The following NICN1 variants were observed in gnomAD, a reference collection of about 807,000 sequenced individuals.
NICN1 encodes the protein nicolin 1, tubulin polyglutamylase complex subunit.
NICN1 carries 18 observed loss-of-function variants against 26.3 expected under a neutral mutation model. The ratio of observed to expected loss-of-function variants is 0.68; its 90% CI spans 0.47 to 1.01. NICN1 has a LOEUF of 1.01. Among genes scored for constraint, NICN1 ranks in the 50% least tolerant of loss-of-function variants. The pLI is 0.00. For synonymous variants in NICN1, 109 were observed against 111.0 expected, an observed-to-expected ratio of 0.98 and a Z score of 0.11; for missense variants, 239 against 278.3, an observed-to-expected ratio of 0.86 and a Z score of 1.00.
chr3:49,426,525 T>A, intron 1 of NICN1, 97 bp from the exon 2 acceptor site: 23 of 829,102 alleles, frequency 2.8e-5, no homozygotes, highest in Non-Finnish European at 3.8e-5. Context: ...TCTCCCCACC[T>A]TTTCTTTTTT....
rs752154466 is a variant in NICN1, at chr3:49,429,244, A to C, written c.-5T>G. On this transcript the variant is annotated 5_prime_UTR_variant, in exon 1 of 6. Transcript: ENST00000273598. ...AGGCACCAAAACGCGGGACATGGTG[A>C]CAGCAGCCGCAACTAAGTGCAACCG... 34 of 1,595,250 alleles carry C rather than the reference A, an allele frequency of 2.1e-5. 1 individual carries two copies. Among genetic ancestry groups the C allele is most frequent in the Non-Finnish European group, 2.6e-5 (30 of 1,170,364 alleles).
At position 49,429,274 on chromosome 3, in the gene NICN1, T is replaced by A; in HGVS notation, c.-35A>T. The A allele has an allele frequency of 1.9e-6, 3 of 1,562,144 alleles. 1 individual carries two copies. In the South Asian group the frequency reaches 3.5e-5, roughly 18 times the overall value. Reference sequence around the variant, plus strand: ...AGCCGCAACTAAGTGCAACCGCCGCTCTAGGCCCCCGACCACCAGCCCTTC... The same window carrying A: ...AGCCGCAACTAAGTGCAACCGCCGCACTAGGCCCCCGACCACCAGCCCTTC... On this transcript the variant is annotated 5_prime_UTR_variant, in exon 1 of 6. Coordinates refer to ENST00000273598, the MANE Select transcript of NICN1 (RefSeq NM_032316.3).
Position 49,424,616 on chromosome 3 carries a change from G to A in NICN1, c.*217C>T, listed in dbSNP as rs1181624857. On this transcript the variant is annotated 3_prime_UTR_variant, in exon 6 of 6. Transcript: ENST00000273598. ...GTTTTTGGGTAGAAGGAAGAATTGA[G>A]TTGCAGCCAGGCGAAGACAGAGCAC... 2 of 607,802 alleles carry A rather than the reference G, an allele frequency of 3.3e-6. No individual in the cohort carries two copies. Among genetic ancestry groups the A allele is most frequent in the African/African-American group, 1.9e-5 (1 of 54,006 alleles). The allele number at this position is 607,802 out of a possible 1,614,324, so 37.7% of individuals were successfully genotyped here. A position where few individuals can be genotyped will look rare whatever the true frequency, so the allele number is the denominator to read the frequency against.
chr3:49,425,511 G>T, intron 3 of NICN1, 73 bp from the exon 4 acceptor site: 1 of 1,311,268 alleles, frequency 7.6e-7, no homozygotes, highest in South Asian at 1.4e-5. Context: ...AAGGTCCTAG[G>T]AGCAGAGAGA....
At position 49,426,377 on chromosome 3, in the gene NICN1, C is replaced by T. The variant is rs1334281149; in HGVS notation, c.184G>A (p.Val62Ile). 1.9e-6 allele frequency: 3 copies of T among 1,614,182 alleles called. No individual in the cohort carries two copies. The South Asian group carries it at 3.3e-5, about 18-fold the overall frequency. ...GTGTGTGCTGAGGTGTACTGACGGA[C>T]ACGGATGCTCAAAAAAGCTGTGTAG... ...NYYTAFLSIR[V>I]RQYTSAHTPA... The change falls in exon 2 of 6, where the codon GTC becomes ATC. Residue 62 changes from valine to isoleucine, a missense_variant. Coordinates refer to ENST00000273598, the MANE Select transcript of NICN1 (RefSeq NM_032316.3).
Position 49,429,170 on chromosome 3 carries a change from A to AGGTCC in NICN1, c.65_69dup (p.Ser24GlyfsTer37). On this transcript the variant is annotated frameshift_variant, in exon 1 of 6. Coordinates refer to ENST00000273598, the MANE Select transcript of NICN1 (RefSeq NM_032316.3). LOFTEE classifies it high-confidence loss of function. The stretch of plus-strand genomic sequence containing the variant: ...ACCAGCACGCCAGGCCGGCCTTGGG[A>AGGTCC]GGTCCGCACGTCGCCCACCTGGAGG... The AGGTCC allele has an allele frequency of 6.2e-7, 1 of 1,611,300 alleles. No individual in the cohort carries two copies. Among genetic ancestry groups the AGGTCC allele is most frequent in the Non-Finnish European group, 8.5e-7 (1 of 1,178,896 alleles).
rs58773326 is a variant in NICN1, at chr3:49,427,644, GAAAAAAAAAA to G, written c.133-1226_133-1217del. ...GGTGACAAAACGAGGCTACCTCTCA[GAAAAAAAAAA>G]AAAAAAAAAGAAATGTAGATAATGT... is the stretch of plus-strand genomic sequence containing the variant. On this transcript the variant is annotated intron_variant, in intron 1 of 5. Coordinates refer to ENST00000273598, the MANE Select transcript of NICN1 (RefSeq NM_032316.3). Among the ~76,000 whole-genome samples, 7 of 102,804 alleles carry G rather than the reference GAAAAAAAAAA, an allele frequency of 6.8e-5. No homozygotes were observed. In the East Asian group the frequency reaches 1.9e-3, roughly 27 times the overall value. The allele number at this position is 102,804 out of a possible 152,430, so 67.4% of individuals were successfully genotyped here. A position where few individuals can be genotyped will look rare whatever the true frequency, so the allele number is the denominator to read the frequency against.
Position 49,423,523 on chromosome 3 carries a change from A to C in NICN1, c.*1310T>G. The C allele has an allele frequency of 6.6e-6, 1 of 152,512 alleles. No homozygotes were observed. Among genetic ancestry groups the C allele is most frequent in the Non-Finnish European group, 1.5e-5 (1 of 68,212 alleles). The allele number at this position is 152,512 out of a possible 1,614,324, so 9.4% of individuals were successfully genotyped here. A position where few individuals can be genotyped will look rare whatever the true frequency, so the allele number is the denominator to read the frequency against. On this transcript the variant is annotated 3_prime_UTR_variant, in exon 6 of 6. Coordinates refer to ENST00000273598, the MANE Select transcript of NICN1 (RefSeq NM_032316.3). ...TGTAATCCCAGCACTTTGGAAGGCC[A>C]AGGCAGGCAGATCACCTGAGGTCAG...
In NICN1 at chr3:49,425,399, C is replaced by T. The variant is rs2049162219; in HGVS notation, c.463G>A (p.Val155Met). Residue 155 changes from valine (V) to methionine (M), a missense_variant, in exon 4 of 6, where the codon GTG (valine) becomes ATG (methionine). Coordinates refer to ENST00000273598, the MANE Select transcript of NICN1 (RefSeq NM_032316.3). ...AGGAGTGCAGGTTGCTCACAGGGCACTGGGTGGGAGAGCCACTTGGGAAAG... is the reference window on the plus strand; with the variant it reads ...AGGAGTGCAGGTTGCTCACAGGGCATTGGGTGGGAGAGCCACTTGGGAAAG... ...VTFPKWLSHP[V>M]PCEQPALLRE... 1.9e-6 allele frequency: 3 copies of T among 1,613,338 alleles called. No individual in the cohort carries two copies. In the East Asian group the frequency reaches 6.7e-5, roughly 36 times the overall value.
At chr3:49,426,085 C>G (rs146897295) in intron 2 of NICN1, 89 bp from the exon 3 acceptor site, 11 of 1,134,998 alleles carry the variant, frequency 9.7e-6, no homozygotes, top group Non-Finnish European at 1.4e-5. Flanking sequence ...CTGCCCACCC[C>G]ACAGGCCTTG....
At chr3:49,427,556 T>C (rs1421961790) in intron 1 of NICN1, among the ~76,000 whole-genome samples, 1 of 148,480 alleles carries the variant, frequency 6.7e-6, no homozygotes, top group Non-Finnish European at 1.5e-5. Flanking sequence ...GGCAGGAGAA[T>C]TGCTTGAACC....
At chr3:49,426,504 C>T in intron 1 of NICN1, 76 bp from the exon 2 acceptor site, 1 of 1,082,868 alleles carries the variant, frequency 9.2e-7, no homozygotes, top group Non-Finnish European at 1.4e-6. Flanking sequence ...TCAAAGGTGC[C>T]ACCTCTTCCT....
chr3:49,422,690 A>G lies in NICN1; in HGVS notation c.*2143T>C. On this transcript the variant is annotated 3_prime_UTR_variant, in exon 6 of 6. Coordinates refer to ENST00000273598, the MANE Select transcript of NICN1 (RefSeq NM_032316.3). ...CTTCAGGGCAGCTCGGGCAATCCAG[A>G]GCTGATTGGGCTGCCCAGAACAAAG... 1.5e-6 allele frequency: 1 copy of G among 664,938 alleles called. No individual in the cohort carries two copies. The highest frequency in any genetic ancestry group is 2.8e-6 in the Non-Finnish European group (1 of 363,610). 41.2% of individuals were successfully genotyped at this position (664,938 alleles called of 1,614,324 possible). A position where few individuals can be genotyped will look rare whatever the true frequency, so the allele number is the denominator to read the frequency against.
intron 1 of NICN1, among the ~76,000 whole-genome samples, chr3:49,427,197 T>C (rs943516908): frequency 5.9e-5 from 9 of 151,914 alleles, no homozygotes; most frequent in Non-Finnish European, 1.2e-4. Flanking sequence ...GGCGGGCACC[T>C]GTAGTCCCAG....
chr3:49,425,188 GT>G, intron 4 of NICN1, 135 bp from the exon 5 acceptor site: 1 of 832,332 alleles, frequency 1.2e-6, no homozygotes, highest in Non-Finnish European at 2.0e-6. Context: ...GAAACATGAG[GT>G]TAGGGCCTGA....
At position 49,422,689 on chromosome 3, in the gene NICN1, G is replaced by A. The variant is rs1028631130; in HGVS notation, c.*2144C>T. The A allele has an allele frequency of 1.5e-6, 1 of 665,364 alleles. No individual in the cohort carries two copies. The highest frequency in any genetic ancestry group is 2.1e-5 in the Admixed American group (1 of 48,134). 41.2% of individuals were successfully genotyped at this position (665,364 alleles called of 1,614,324 possible). On this transcript the variant is annotated 3_prime_UTR_variant, in exon 6 of 6. Coordinates refer to ENST00000273598, the MANE Select transcript of NICN1 (RefSeq NM_032316.3). ...TCTTCAGGGCAGCTCGGGCAATCCA[G>A]AGCTGATTGGGCTGCCCAGAACAAA...
rs764032357 is a variant in NICN1 at position 49,422,438 on chromosome 3, C to A, written c.*2395G>T. On this transcript the variant is annotated 3_prime_UTR_variant, in exon 6 of 6. Transcript: ENST00000273598. Reference sequence around the variant, plus strand: ...AAGCCCAGACGGGCCACCACACTTACAGCCCTCTGCATCGTCGCCTGCAAC... The same window carrying A: ...AAGCCCAGACGGGCCACCACACTTAAAGCCCTCTGCATCGTCGCCTGCAAC... The A allele has an allele frequency of 6.2e-6, 10 of 1,613,228 alleles. No individual in the cohort carries two copies. The highest frequency in any genetic ancestry group is 7.6e-6 in the Non-Finnish European group (9 of 1,179,960).
rs1422986171 is a variant in NICN1 at position 49,422,624 on chromosome 3, C to T, written c.*2209G>A. ...ATTTAGAGCAGAGAATGCAGGAACCCGCAACCACAGGGAAGAAGCCTCCAG... is the reference window on the plus strand; with the variant it reads ...ATTTAGAGCAGAGAATGCAGGAACCTGCAACCACAGGGAAGAAGCCTCCAG... On this transcript the variant is annotated 3_prime_UTR_variant, in exon 6 of 6. Transcript: ENST00000273598. The T allele has an allele frequency of 6.7e-6, 5 of 747,578 alleles. No individual in the cohort carries two copies. Among genetic ancestry groups the T allele is most frequent in the South Asian group, 3.0e-5 (2 of 67,606 alleles). 46.3% of individuals were successfully genotyped at this position (747,578 alleles called of 1,614,324 possible).
In NICN1 at chr3:49,426,137, A is replaced by T. The variant is rs559232236; in HGVS notation, c.309+115T>A. ...AGTCCCTCCAAGGCACTTCCCTGGA[A>T]GTCACAGTTCAGGCCAGACTGGCCC... On this transcript the variant is annotated intron_variant, in intron 2 of 5. Transcript: ENST00000273598. 29 of 1,202,604 alleles carry T rather than the reference A, an allele frequency of 2.4e-5. No individual in the cohort carries two copies. The African/African-American group carries it at 4.1e-4, about 17-fold the overall frequency. 74.5% of individuals were successfully genotyped at this position (1,202,604 alleles called of 1,614,324 possible). A position where few individuals can be genotyped will look rare whatever the true frequency, so the allele number is the denominator to read the frequency against.
Sources: gnomAD v4.1 joint callset for allele counts (sites outside exome capture counted in the v4.1 genomes callset) on GRCh38, gnomAD v4.1.1 for gene constraint, MANE v1.5 for transcripts, NCBI Gene and HGNC (gene_info 2026-07-23, HGNC 2026-07-21) for gene names.